SNX18: variants seen among roughly 807,000 people sequenced by gnomAD.
SNX18 encodes the protein sorting nexin-18.
Under a neutral mutation model 48.7 loss-of-function variants are expected in SNX18, and 35 were observed. The observed-to-expected ratio is 0.72, with a 90% CI of 0.55 to 0.95. The LOEUF (loss-of-function observed/expected upper bound fraction) is 0.95. Among genes scored for constraint, SNX18 ranks in the 40% least tolerant of loss-of-function variants. The pLI is 0.00. For synonymous variants in SNX18, 492 were observed against 384.7 expected (o/e 1.28, Z -3.26); for missense variants, 824 against 871.0 (o/e 0.95, Z 0.68).
At chr5:54,605,335 C>A in the SNX18 span, among the ~76,000 whole-genome samples, 1 of 152,020 alleles carries the variant, frequency 6.6e-6, no homozygotes, top group South Asian at 2.1e-4. Flanking sequence ...GTAGTACCAG[C>A]AGAGACTCAG....
At chr5:54,631,326 G>A in the SNX18 span, among the ~76,000 whole-genome samples, 4 of 152,134 alleles carry the variant, frequency 2.6e-5, no homozygotes, top group African/African-American at 9.7e-5. Context: ...AATCCAGGAT[G>A]GTTGCAAGGA....
Position 54,517,980 on chromosome 5 carries a change from G to A in SNX18, c.28G>A (p.Asp10Asn). The A allele has an allele frequency of 6.5e-7, 1 of 1,535,646 alleles. No individual in the cohort carries two copies. The highest frequency in any genetic ancestry group is 8.7e-7 in the Non-Finnish European group (1 of 1,143,370). Residue 10 changes from aspartate to asparagine, a missense_variant, in exon 1 of 2, where the codon GAC becomes AAC. Transcript: ENST00000381410. MALRARALY[D>N]FRSENPGEIS... ...GGCGCTGCGCGCCCGGGCGCTGTACGACTTCAGGTCGGAGAACCCAGGAGA... is the reference window on the plus strand; with the variant it reads ...GGCGCTGCGCGCCCGGGCGCTGTACAACTTCAGGTCGGAGAACCCAGGAGA...
At chr5:54,627,704 G>A in the SNX18 span, among the ~76,000 whole-genome samples, 1 of 152,086 alleles carries the variant, frequency 6.6e-6, no homozygotes, top group Admixed American at 6.5e-5. Context: ...GCAGATTCCA[G>A]CCCATGCTCC....
chr5:54,598,137 G>A, the SNX18 span, among the ~76,000 whole-genome samples: 8 of 152,104 alleles, frequency 5.3e-5, no homozygotes, highest in African/African-American at 1.4e-4. Flanking sequence ...AGAAGAAATG[G>A]ATAAATTCCT....
the SNX18 span, among the ~76,000 whole-genome samples, chr5:54,581,109 A>C: frequency 6.6e-6 from 1 of 152,150 alleles, no homozygotes; most frequent in Non-Finnish European, 1.5e-5. Context: ...CCCTCCCTGT[A>C]GGAGATGAGA....
chr5:54,558,925 A>G, the SNX18 span, among the ~76,000 whole-genome samples: 12 of 152,130 alleles, frequency 7.9e-5, no homozygotes, highest in Non-Finnish European at 1.8e-4. Flanking sequence ...CCAAAATCAT[A>G]CTAGTATGGA....
At chr5:54,565,368 GT>G in the SNX18 span, among the ~76,000 whole-genome samples, 4 of 152,116 alleles carry the variant, frequency 2.6e-5, no homozygotes, top group Non-Finnish European at 4.4e-5. Flanking sequence ...GAGGCCAGGA[GT>G]TTGAGACCAG....
the SNX18 span, among the ~76,000 whole-genome samples, chr5:54,603,729 G>C: frequency 6.6e-6 from 1 of 152,268 alleles, no homozygotes; most frequent in Non-Finnish European, 1.5e-5. Flanking sequence ...CATTCTTACT[G>C]AAAAACGTCC....
the SNX18 span, among the ~76,000 whole-genome samples, chr5:54,560,399 C>T: frequency 3.3e-5 from 5 of 152,152 alleles, no homozygotes; most frequent in Non-Finnish European, 7.3e-5. Context: ...CACATGTTCT[C>T]ACTTGTAAGT....
In SNX18 at chr5:54,517,773, A is replaced by G; in HGVS notation, c.-180A>G. 2.2e-6 allele frequency: 1 copy of G among 448,966 alleles called. No homozygotes were observed. The highest frequency in any genetic ancestry group is 3.4e-6 in the Non-Finnish European group (1 of 290,664). 27.8% of individuals were successfully genotyped at this position (448,966 alleles called of 1,614,324 possible). A position where few individuals can be genotyped will look rare whatever the true frequency, so the allele number is the denominator to read the frequency against. ...CCCAGCGCGGCAGTCGGCGCTGCGA[A>G]GTGGAGGCGCTGCGAGCGGAGCCGC... On this transcript the variant is annotated 5_prime_UTR_variant, in exon 1 of 2. Transcript: ENST00000381410.
the SNX18 span, among the ~76,000 whole-genome samples, chr5:54,623,090 T>A: frequency 6.6e-6 from 1 of 152,140 alleles, no homozygotes; most frequent in Non-Finnish European, 1.5e-5. Flanking sequence ...GACATTATGT[T>A]TTAGATTGTG....
downstream of SNX18, among the ~76,000 whole-genome samples, chr5:54,551,505 A>G (rs1478253986): frequency 6.6e-6 from 1 of 152,008 alleles, no homozygotes; most frequent in East Asian, 1.9e-4. Context: ...GGCTAACATC[A>G]TTTCTTTTTC....
At chr5:54,608,398 A>T in the SNX18 span, among the ~76,000 whole-genome samples, 1 of 152,028 alleles carries the variant, frequency 6.6e-6, no homozygotes, top group African/African-American at 2.4e-5. Context: ...TATTATTTTT[A>T]AAGTTTTCTT....
chr5:54,613,647 A>C, the SNX18 span, among the ~76,000 whole-genome samples: 1 of 152,176 alleles, frequency 6.6e-6, no homozygotes, highest in Non-Finnish European at 1.5e-5. Context: ...CCCAGATGAA[A>C]GTGTGAACTT....
chr5:54,561,901 A>G, the SNX18 span, among the ~76,000 whole-genome samples: 2 of 152,346 alleles, frequency 1.3e-5, no homozygotes, highest in South Asian at 4.1e-4. Context: ...GATGCAAGGC[A>G]ACAGTATTAA....
chr5:54,647,928 C>A, the SNX18 span, among the ~76,000 whole-genome samples: 8 of 151,978 alleles, frequency 5.3e-5, no homozygotes, highest in African/African-American at 1.9e-4. Flanking sequence ...TGAATGGTTC[C>A]CAGTTTATTA....
At chr5:54,589,612 A>G in the SNX18 span, among the ~76,000 whole-genome samples, 6 of 152,358 alleles carry the variant, frequency 3.9e-5, no homozygotes, top group East Asian at 1.2e-3. Context: ...TTCGGCAAGC[A>G]CCTAAAGCCA....
the SNX18 span, among the ~76,000 whole-genome samples, chr5:54,552,524 C>T: frequency 6.6e-6 from 1 of 152,202 alleles, no homozygotes; most frequent in Non-Finnish European, 1.5e-5. Context: ...CTGTGGGAAA[C>T]CAAATCATCG....
chr5:54,643,490 A>G, the SNX18 span: 1 of 152,156 alleles, frequency 6.6e-6, no homozygotes, highest in Non-Finnish European at 1.5e-5. Context: ...TAAATAAATC[A>G]TATTACCTTT....
Sources: allele counts gnomAD v4.1 joint callset (sites outside exome capture counted in the v4.1 genomes callset), GRCh38; gene constraint gnomAD v4.1.1; transcripts MANE v1.5; gene names NCBI Gene and HGNC (gene_info 2026-07-23, HGNC 2026-07-21).